The following KDM4A variants were observed in gnomAD, a reference collection of about 807,000 sequenced individuals.
The protein encoded by KDM4A is lysine demethylase 4A, also known as lysine-specific demethylase 4A.
KDM4A carries 23 observed loss-of-function variants against 127.1 expected under a neutral mutation model. The ratio of observed to expected loss-of-function variants is 0.18; its 90% CI spans 0.13 to 0.26. KDM4A has a LOEUF of 0.26. Among genes scored for constraint, KDM4A ranks in the 10% least tolerant of loss-of-function variants. The pLI, the probability that KDM4A is intolerant of heterozygous loss-of-function variation, is 1.00. For synonymous variants in KDM4A, 443 were observed against 466.5 expected (o/e 0.95, Z 0.65); for missense variants, 890 against 1,329.1 (o/e 0.67, Z 5.14).
chr1:43,662,625 A>C (rs762824710), intron 4 of KDM4A, among the ~76,000 whole-genome samples: 4 of 152,224 alleles, frequency 2.6e-5, no homozygotes, highest in Non-Finnish European at 4.4e-5. Flanking sequence ...ACGAAAAAAC[A>C]AACAGGTGAC....
intron 12 of KDM4A, among the ~76,000 whole-genome samples, chr1:43,686,961 G>C (rs537485040): frequency 3.3e-5 from 5 of 152,254 alleles, no homozygotes; most frequent in Non-Finnish European, 2.9e-5. Flanking sequence ...TTCACAAATG[G>C]AATGATCTGG....
intron 19 of KDM4A, chr1:43,702,317 C>T (rs1186557546): frequency 6.6e-6 from 1 of 152,172 alleles, no homozygotes; most frequent in African/African-American, 2.4e-5. Flanking sequence ...TCTTAGAACA[C>T]CTCAGATATT....
chr1:43,696,569 T>G (rs529675801), intron 18 of KDM4A, among the ~76,000 whole-genome samples: 1 of 152,322 alleles, frequency 6.6e-6, no homozygotes, highest in East Asian at 1.9e-4. Context: ...TATGTGAGAA[T>G]GAGACTCCGG....
At chr1:43,685,124 C>T (rs568433992) in intron 12 of KDM4A, among the ~76,000 whole-genome samples, 28 of 151,996 alleles carry the variant, frequency 1.8e-4, no homozygotes, top group South Asian at 6.2e-4. Flanking sequence ...GGTGAGCAGA[C>T]GCTGGGGCTA....
chr1:43,681,950 G>C (rs910258440), intron 11 of KDM4A, among the ~76,000 whole-genome samples: 2 of 152,094 alleles, frequency 1.3e-5, no homozygotes, highest in Admixed American at 6.6e-5. Flanking sequence ...GTTTGTTTTA[G>C]CCAAAGAACC....
chr1:43,687,182 G>A (rs1212243309), intron 12 of KDM4A, among the ~76,000 whole-genome samples: 1 of 152,214 alleles, frequency 6.6e-6, no homozygotes, highest in Non-Finnish European at 1.5e-5. Context: ...GATTTTAATT[G>A]TCTGCGTTGG....
chr1:43,662,485 G>A (rs1400013753), intron 4 of KDM4A, among the ~76,000 whole-genome samples: 1 of 152,138 alleles, frequency 6.6e-6, no homozygotes, highest in African/African-American at 2.4e-5. Flanking sequence ...GTGGGTGCCT[G>A]TAATCCCAGG....
At position 43,660,307 on chromosome 1, in the gene KDM4A, C is replaced by T. The variant is rs768806632; in HGVS notation, c.324C>T (p.Thr108=). ...RKIANSDKYC[T]PRYSEFEELE... is the part of the protein sequence containing the mutation. ...TTTTACTTTCAAAAAGGTACTGTAC[C>T]CCACGCTATAGTGAGTTTGAAGAGC... Residue 108 remains threonine (T), a synonymous_variant, in exon 4 of 22, where the codon ACC becomes ACT. Coordinates refer to ENST00000372396, the MANE Select transcript of KDM4A (RefSeq NM_014663.3). 2.5e-6 allele frequency: 4 copies of T among 1,613,992 alleles called. No individual in the cohort carries two copies. Among genetic ancestry groups the T allele is most frequent in the Admixed American group, 1.7e-5 (1 of 60,008 alleles).
chr1:43,677,918 TGAGA>T (rs1157842296), intron 11 of KDM4A, among the ~76,000 whole-genome samples: 1 of 152,152 alleles, frequency 6.6e-6, no homozygotes, highest in Non-Finnish European at 1.5e-5. Context: ...TTCTTTAGTC[TGAGA>T]GAGAGGTAGT....
At chr1:43,703,767 G>C (rs767839730) in intron 20 of KDM4A, 31 bp downstream of exon 20, 231 of 1,612,854 alleles carry the variant, frequency 1.4e-4, no homozygotes, top group Non-Finnish European at 1.9e-4. Flanking sequence ...CTAGGGAGTG[G>C]GGGGTGCTTG....
At position 43,667,765 on chromosome 1, in the gene KDM4A, C is replaced by T. The variant is rs1403691596; in HGVS notation, c.916-7C>T. The T allele has an allele frequency of 3.1e-6, 5 of 1,614,108 alleles. No homozygotes were observed. The highest frequency in any genetic ancestry group is 1.1e-5 in the South Asian group (1 of 91,056). On this transcript the variant is annotated splice_region_variant and splice_polypyrimidine_tract_variant and intron_variant, in intron 8 of 21. Coordinates refer to ENST00000372396, the MANE Select transcript of KDM4A (RefSeq NM_014663.3). ...TCACCTGGTGCTCTTCTGGTTCCTGCTGACAGTGCTCCTGTAGAAAGGACA... is the reference window on the plus strand; with the variant it reads ...TCACCTGGTGCTCTTCTGGTTCCTGTTGACAGTGCTCCTGTAGAAAGGACA...
rs564464655 is a variant in KDM4A, at chr1:43,694,275, G to T, written c.2484+173G>T. On this transcript the variant is annotated intron_variant, in intron 17 of 21. Transcript: ENST00000372396. This position sits in a 1 kb window ranked among gnomAD's most constrained non-coding sequence, Gnocchi z 5.2. ...CTCACACCTGTAATCCCAGCCCTTT[G>T]TGGGGCCGAGGTGGGTGAACCACTT... 2.8e-3 allele frequency among the ~76,000 whole-genome samples: 424 copies of T among 152,254 alleles called. 1 individual carries two copies. Among genetic ancestry groups the T allele is most frequent in the Non-Finnish European group, 2.6e-3 (179 of 68,012 alleles).
At position 43,652,894 on chromosome 1, in the gene KDM4A, G is replaced by T. The variant is rs562136215; in HGVS notation, c.-39-243G>T. Reference sequence around the variant, plus strand: ...AGACAGGGTTTCACTGTGTTGGCCAGGCTGGTCTCAAACTTATGACCTCAG... The same window carrying T: ...AGACAGGGTTTCACTGTGTTGGCCATGCTGGTCTCAAACTTATGACCTCAG... On this transcript the variant is annotated intron_variant, in intron 1 of 21. Coordinates refer to ENST00000372396, the MANE Select transcript of KDM4A (RefSeq NM_014663.3). Among the ~76,000 whole-genome samples the T allele has an allele frequency of 1.8e-3, 280 of 151,838 alleles. 1 individual carries two copies. Among genetic ancestry groups the T allele is most frequent in the Non-Finnish European group, 2.9e-3 (198 of 67,968 alleles).
rs1003617198 is a variant in KDM4A at position 43,688,527 on chromosome 1, C to T, written c.1856-387C>T. On this transcript the variant is annotated intron_variant, in intron 12 of 21. Coordinates refer to ENST00000372396, the MANE Select transcript of KDM4A (RefSeq NM_014663.3). This position sits in a 1 kb window ranked among gnomAD's most constrained non-coding sequence, Gnocchi z 4.4. ...AAACTCTAAAAGGTAAAGGACTTAA[C>T]AGGCTGACGTTTTGGAGGCAGCAAA... 7.2e-5 allele frequency among the ~76,000 whole-genome samples: 11 copies of T among 152,196 alleles called. No individual in the cohort carries two copies. The highest frequency in any genetic ancestry group is 1.6e-4 in the Non-Finnish European group (11 of 68,032).
Position 43,686,583 on chromosome 1 carries a change from C to T in KDM4A, c.1856-2331C>T, listed in dbSNP as rs189926910. ...AACTCCTGACCTCAAGTGATCTGCC[C>T]GCTTCAGCCTCCCAAAGTGCTGGGA... On this transcript the variant is annotated intron_variant, in intron 12 of 21. Coordinates refer to ENST00000372396, the MANE Select transcript of KDM4A (RefSeq NM_014663.3). Among the ~76,000 whole-genome samples the T allele has an allele frequency of 3.9e-3, 586 of 152,162 alleles. 1 individual carries two copies. The highest frequency in any genetic ancestry group is 6.5e-3 in the Non-Finnish European group (442 of 68,006).
At chr1:43,665,803 C>T (rs1660488716) in intron 6 of KDM4A, 58 bp downstream of exon 6, 4 of 1,573,228 alleles carry the variant, frequency 2.5e-6, no homozygotes, top group Non-Finnish European at 3.5e-6. Flanking sequence ...GCTCCTTGCT[C>T]TGCACTAAAA....
intron 13 of KDM4A, among the ~76,000 whole-genome samples, chr1:43,689,722 T>C (rs918691322): frequency 2.6e-5 from 4 of 152,170 alleles, no homozygotes; most frequent in African/African-American, 9.7e-5. Flanking sequence ...AGGGACCAGC[T>C]CAGTCTCAGC....
intron 11 of KDM4A, among the ~76,000 whole-genome samples, chr1:43,680,332 ATAAG>A (rs765973458): frequency 4.6e-5 from 7 of 152,134 alleles, no homozygotes; most frequent in Admixed American, 6.5e-5. Flanking sequence ...TACTGGGTAT[ATAAG>A]AGGTGCTGTG....
chr1:43,660,189 C>A, intron 3 of KDM4A, 109 bp from the exon 4 acceptor site: 1 of 1,212,268 alleles, frequency 8.2e-7, no homozygotes, highest in Non-Finnish European at 1.2e-6. Context: ...ATGCCTTGTT[C>A]ATTTGAAATT....
Sources: gnomAD v4.1 joint callset for allele counts (sites outside exome capture counted in the v4.1 genomes callset) on GRCh38, gnomAD v4.1.1 for gene constraint, Gnocchi (gnomAD v3.1) non-coding constraint, MANE v1.5 for transcripts, NCBI Gene and HGNC (gene_info 2026-07-23, HGNC 2026-07-21) for gene names.